The following NMNAT2 variants were observed in gnomAD, a reference collection of about 807,000 sequenced individuals.
NMNAT2 encodes nicotinamide/nicotinic acid mononucleotide adenylyltransferase 2.
In NMNAT2, 11 loss-of-function variants were observed where a neutral mutation model predicts 41.6. The observed-to-expected ratio is 0.26, with a 90% confidence interval of 0.17 to 0.44. NMNAT2 has a LOEUF of 0.44. Ranked by LOEUF, NMNAT2 falls within the 20% of genes least tolerant of loss-of-function variation. NMNAT2 has a pLI of 1.00. For synonymous variants in NMNAT2, 148 were observed against 151.2 expected (o/e 0.98, Z 0.16); for missense variants, 288 against 407.7 (o/e 0.71, Z 2.53).
intron 1 of NMNAT2, among the ~76,000 whole-genome samples, chr1:183,320,523 T>A (rs1380147452): frequency 2.0e-5 from 3 of 152,136 alleles, no homozygotes; most frequent in Non-Finnish European, 2.9e-5. Flanking sequence ...GGAGAATCGC[T>A]TAAACCCAGG....
intron 3 of NMNAT2, 92 bp from the exon 4 acceptor site, chr1:183,290,298 G>A: frequency 3.0e-6 from 3 of 1,010,640 alleles, no homozygotes; most frequent in Non-Finnish European, 4.5e-6. Context: ...AGGAAGCATG[G>A]CAGATCTGGC....
chr1:183,251,881 A>T lies in NMNAT2; in HGVS notation c.*760T>A, dbSNP rs199934213. On this transcript the variant is annotated 3_prime_UTR_variant, in exon 11 of 11. Coordinates refer to ENST00000287713, the MANE Select transcript of NMNAT2 (RefSeq NM_015039.4). Reference sequence around the variant, plus strand: ...TGCTGCTGCTGCTGCTGCTGCTGCTACTGCTATATGTGTGTGTGTATGTGC... The same window carrying T: ...TGCTGCTGCTGCTGCTGCTGCTGCTTCTGCTATATGTGTGTGTGTATGTGC... The T allele has an allele frequency of 4.9e-5, 8 of 162,594 alleles. No individual in the cohort carries two copies. The highest frequency in any genetic ancestry group is 1.1e-4 in the Non-Finnish European group (8 of 74,876). 10.1% of individuals were successfully genotyped at this position (162,594 alleles called of 1,614,324 possible). A position where few individuals can be genotyped will look rare whatever the true frequency, so the allele number is the denominator to read the frequency against.
intron 2 of NMNAT2, among the ~76,000 whole-genome samples, chr1:183,293,453 G>C (rs772962234): frequency 1.3e-5 from 2 of 152,226 alleles, no homozygotes; most frequent in African/African-American, 4.8e-5. Context: ...CTTTCAGTGA[G>C]TCCTGACCAG....
rs184332732 is a variant in NMNAT2, at chr1:183,394,379, A to C, written c.85+23804T>G. ...TTTATTCATGACAGAAGAGCTTTCT[A>C]ATAAATGAAGCTGCCCAACAGTGAA... is the stretch of plus-strand genomic sequence containing the variant. On this transcript the variant is annotated intron_variant, in intron 1 of 10. Transcript: ENST00000287713. 3.7e-3 allele frequency among the ~76,000 whole-genome samples: 568 copies of C among 152,360 alleles called. 3 individuals carry two copies. Among genetic ancestry groups the C allele is most frequent in the Non-Finnish European group, 6.3e-3 (426 of 68,036 alleles).
At chr1:183,333,310 T>C (rs577623) in intron 1 of NMNAT2, among the ~76,000 whole-genome samples, 40,319 of 152,158 alleles carry the variant, frequency 0.26, 6,049 homozygotes, top group African/African-American at 0.41. Flanking sequence ...GCAGAATAAC[T>C]GCCCCCATGA....
chr1:183,281,561 C>T lies in NMNAT2; in HGVS notation c.574+2434G>A, dbSNP rs552784990. 4.6e-5 allele frequency among the ~76,000 whole-genome samples: 7 copies of T among 152,338 alleles called. No individual in the cohort carries two copies. In the East Asian group the frequency reaches 9.7e-4, roughly 21 times the overall value. ...CCAAAGCACAAAGAGTTCAAGAGTA[C>T]GGTCTCTGCCACCCTTTCTTGCAGG... On this transcript the variant is annotated intron_variant, in intron 7 of 10. Coordinates refer to ENST00000287713, the MANE Select transcript of NMNAT2 (RefSeq NM_015039.4).
At chr1:183,328,894 G>C (rs1003623246) in intron 1 of NMNAT2, among the ~76,000 whole-genome samples, 2 of 152,230 alleles carry the variant, frequency 1.3e-5, no homozygotes, top group Non-Finnish European at 2.9e-5. Context: ...TTGCAGGAGA[G>C]AGAGACAGAG....
intron 1 of NMNAT2, among the ~76,000 whole-genome samples, chr1:183,402,687 C>G (rs1191273202): frequency 2.0e-5 from 3 of 151,854 alleles, no homozygotes; most frequent in African/African-American, 7.3e-5. Flanking sequence ...CAACACAGGC[C>G]AAAAAAAATT....
chr1:183,334,733 C>T lies in NMNAT2; in HGVS notation c.86-40940G>A, dbSNP rs139224854. On this transcript the variant is annotated intron_variant, in intron 1 of 10. Coordinates refer to ENST00000287713, the MANE Select transcript of NMNAT2 (RefSeq NM_015039.4). ...CCATGTTGGCCAGGCTGGTCTCGAA[C>T]TCCTGACCTCAAGTGATCCGCCCAT... Among the ~76,000 whole-genome samples the T allele has an allele frequency of 2.3e-3, 346 of 152,100 alleles. 3 individuals are homozygous for T. Among genetic ancestry groups the T allele is most frequent in the African/African-American group, 8.2e-3 (339 of 41,474 alleles).
At chr1:183,343,092 G>A (rs774321885) in intron 1 of NMNAT2, among the ~76,000 whole-genome samples, 23 of 152,050 alleles carry the variant, frequency 1.5e-4, no homozygotes, top group Non-Finnish European at 2.5e-4. Flanking sequence ...CTTCATGTCT[G>A]CACCTCATTC....
chr1:183,343,927 A>G (rs1662871577), intron 1 of NMNAT2, among the ~76,000 whole-genome samples: 1 of 152,062 alleles, frequency 6.6e-6, no homozygotes, highest in Non-Finnish European at 1.5e-5. Flanking sequence ...CCCAGCCAAC[A>G]TCCCTACTTT....
chr1:183,346,367 C>T (rs1662929328), intron 1 of NMNAT2, among the ~76,000 whole-genome samples: 1 of 152,160 alleles, frequency 6.6e-6, no homozygotes, highest in Non-Finnish European at 1.5e-5. Flanking sequence ...TTGTCATCCC[C>T]AGTGACCCAC....
At chr1:183,297,418 T>C (rs1661731574) in intron 1 of NMNAT2, among the ~76,000 whole-genome samples, 1 of 151,846 alleles carries the variant, frequency 6.6e-6, no homozygotes, top group Admixed American at 6.6e-5. Context: ...GTTTCGCTCT[T>C]GTTGCCCAGG....
chr1:183,331,413 G>A (rs914292880), intron 1 of NMNAT2, among the ~76,000 whole-genome samples: 1 of 152,210 alleles, frequency 6.6e-6, no homozygotes, highest in African/African-American at 2.4e-5. Context: ...GCACTGCATA[G>A]ACAAGATGAA....
intron 1 of NMNAT2, among the ~76,000 whole-genome samples, chr1:183,360,043 G>A (rs1329249664): frequency 6.6e-6 from 1 of 152,122 alleles, no homozygotes; most frequent in Non-Finnish European, 1.5e-5. Flanking sequence ...GGTGAATTAA[G>A]TGCCTTCTCA....
At chr1:183,337,847 G>C (rs1484680378) in intron 1 of NMNAT2, among the ~76,000 whole-genome samples, 1 of 152,108 alleles carries the variant, frequency 6.6e-6, no homozygotes, top group Non-Finnish European at 1.5e-5. Flanking sequence ...TCACAAACCT[G>C]GCTTCTTTGT....
At chr1:183,304,687 A>G (rs1036305356) in intron 1 of NMNAT2, 1 of 1,613,954 alleles carries the variant, frequency 6.2e-7, no homozygotes, top group African/African-American at 1.3e-5. Flanking sequence ...AGTAACAAAC[A>G]CTTCCCAGAG....
At chr1:183,407,578 G>A (rs1333522378) in intron 1 of NMNAT2, among the ~76,000 whole-genome samples, 1 of 152,054 alleles carries the variant, frequency 6.6e-6, no homozygotes, top group African/African-American at 2.4e-5. Context: ...GGGCACCTTA[G>A]GAGATACAAA....
At chr1:183,317,483 G>A (rs1462012547) in intron 1 of NMNAT2, among the ~76,000 whole-genome samples, 1 of 152,044 alleles carries the variant, frequency 6.6e-6, no homozygotes, top group Non-Finnish European at 1.5e-5. Context: ...TGTTGCCCAG[G>A]CTGGTCTGGA....
Sources: allele counts gnomAD v4.1 joint callset (sites outside exome capture counted in the v4.1 genomes callset), GRCh38; gene constraint gnomAD v4.1.1; transcripts MANE v1.5; gene names NCBI Gene and HGNC (gene_info 2026-07-23, HGNC 2026-07-21).